The following SCAF11 variants were observed in gnomAD, a reference collection of about 807,000 sequenced individuals.
The protein encoded by SCAF11 is protein SCAF11.
In SCAF11, 47 loss-of-function variants were observed where a neutral mutation model predicts 140.5. That is an observed-to-expected ratio of 0.33 (90% CI 0.26 to 0.43). The LOEUF (loss-of-function observed/expected upper bound fraction) is 0.43, where lower values mean the gene tolerates loss of function less well. Among genes scored for constraint, SCAF11 ranks in the 20% least tolerant of loss-of-function variants. The pLI is 1.00. For synonymous variants in SCAF11, 557 were observed against 579.4 expected (o/e 0.96, Z 0.55); for missense variants, 1,645 against 1,705.1 (o/e 0.96, Z 0.62).
chr12:45,947,375 T>C (rs546765028), intron 5 of SCAF11, among the ~76,000 whole-genome samples: 2 of 152,232 alleles, frequency 1.3e-5, no homozygotes, highest in East Asian at 3.9e-4. Context: ...AAATAGGCAA[T>C]GGTTTTAACA....
At chr12:45,930,448 T>C (rs901030597) in intron 10 of SCAF11, among the ~76,000 whole-genome samples, 15 of 148,628 alleles carry the variant, frequency 1.0e-4, no homozygotes, top group African/African-American at 3.3e-4. Flanking sequence ...GTGTTTTGTT[T>C]TTTTTTTGTT....
intron 1 of SCAF11, among the ~76,000 whole-genome samples, chr12:45,986,739 C>G (rs1946468170): frequency 6.6e-6 from 1 of 152,086 alleles, no homozygotes; most frequent in African/African-American, 2.4e-5. Context: ...GGCAGTTTCC[C>G]CCATACTGTT....
At position 45,927,876 on chromosome 12, in the gene SCAF11, G is replaced by T. The variant is rs1944927561; in HGVS notation, c.1825C>A (p.Pro609Thr). ...TCACCCTCAGAAGATTCTAACTTGG[G>T]GCTCTCTATAAGCTCCTCTGTTTTT... ...TLKTEELIES[P>T]KLESSEGEII... The change falls in exon 11 of 15, where the codon CCC becomes ACC. Residue 609 changes from proline (P) to threonine (T), a missense_variant. Pro to Thr is a conservative substitution (Grantham distance 38). Coordinates refer to ENST00000369367, the MANE Select transcript of SCAF11 (RefSeq NM_004719.3). 1 of 1,613,350 alleles carries T rather than the reference G, an allele frequency of 6.2e-7. No individual in the cohort carries two copies. Among genetic ancestry groups the T allele is most frequent in the Admixed American group, 1.7e-5 (1 of 59,870 alleles).
At chr12:45,962,530 T>C (rs1945854315) in intron 2 of SCAF11, among the ~76,000 whole-genome samples, 1 of 152,176 alleles carries the variant, frequency 6.6e-6, no homozygotes, top group African/African-American at 2.4e-5. Context: ...CCACCAGTAA[T>C]GTAACCAACT....
chr12:45,934,097 A>G (rs1456934842), intron 8 of SCAF11, 79 bp downstream of exon 8: 1 of 814,808 alleles, frequency 1.2e-6, no homozygotes, highest in Non-Finnish European at 1.8e-6. Flanking sequence ...TTGGGCCCAG[A>G]GTTTAAATTT....
At chr12:45,953,881 T>C (rs1186589593) in intron 3 of SCAF11, 2 of 1,036,816 alleles carry the variant, frequency 1.9e-6, no homozygotes, top group Admixed American at 2.9e-5. Flanking sequence ...TGGCATATAC[T>C]AAATATTATG....
At chr12:45,981,307 C>T (rs1244587601) in intron 1 of SCAF11, among the ~76,000 whole-genome samples, 1 of 152,072 alleles carries the variant, frequency 6.6e-6, no homozygotes, top group Non-Finnish European at 1.5e-5. Context: ...GAGTCAAAAA[C>T]GATGAATGAA....
At chr12:45,965,404 A>C (rs1945922076) in intron 1 of SCAF11, among the ~76,000 whole-genome samples, 1 of 152,244 alleles carries the variant, frequency 6.6e-6, no homozygotes, top group Non-Finnish European at 1.5e-5. Context: ...GCTTATAAAA[A>C]GGTAAAAATG....
At chr12:45,964,691 G>C (rs898552323) in intron 1 of SCAF11, among the ~76,000 whole-genome samples, 8 of 151,616 alleles carry the variant, frequency 5.3e-5, no homozygotes, top group African/African-American at 1.9e-4. Context: ...GAAAGGAAAA[G>C]CCTTTTATAA....
chr12:45,968,284 G>A (rs990196666), intron 1 of SCAF11, among the ~76,000 whole-genome samples: 1 of 152,066 alleles, frequency 6.6e-6, no homozygotes, highest in Non-Finnish European at 1.5e-5. Context: ...ATTTACAAAT[G>A]TCAATCTTTA....
rs192802284 is a variant in SCAF11, at chr12:45,937,342, C to T, written c.464-2837G>A. On this transcript the variant is annotated intron_variant, in intron 6 of 14. Transcript: ENST00000369367. Reference sequence around the variant, plus strand: ...TTCTTAAATATTATTTTTCTTGTATCATTGATAAAATATCCCTTCTTTCAG... The same window carrying T: ...TTCTTAAATATTATTTTTCTTGTATTATTGATAAAATATCCCTTCTTTCAG... 5.9e-5 allele frequency among the ~76,000 whole-genome samples: 9 copies of T among 152,128 alleles called. No individual in the cohort carries two copies. The East Asian group carries it at 1.5e-3, about 26-fold the overall frequency.
chr12:45,931,346 T>C (rs1331874798), intron 10 of SCAF11, 160 bp downstream of exon 10: 2 of 420,710 alleles, frequency 4.8e-6, no homozygotes, highest in Non-Finnish European at 8.5e-6. Flanking sequence ...GTTGAAGCAA[T>C]TCTAAAGTTA....
rs1034867130 is a variant in SCAF11, at chr12:45,920,576, T to C, written c.*1472A>G. On this transcript the variant is annotated 3_prime_UTR_variant, in exon 15 of 15. Transcript: ENST00000369367. Reference sequence around the variant, plus strand: ...ATAAACATTTTAAACTTACCTTTTATAAAAACTGAGATATTCTAGTATTAA... The same window carrying C: ...ATAAACATTTTAAACTTACCTTTTACAAAAACTGAGATATTCTAGTATTAA... 6.6e-6 allele frequency: 1 copy of C among 150,716 alleles called. No individual in the cohort carries two copies. Among genetic ancestry groups the C allele is most frequent in the African/African-American group, 2.5e-5 (1 of 40,738 alleles). 9.3% of individuals were successfully genotyped at this position (150,716 alleles called of 1,614,324 possible). A position where few individuals can be genotyped will look rare whatever the true frequency, so the allele number is the denominator to read the frequency against.
At chr12:45,966,070 G>C (rs1945939515) in intron 1 of SCAF11, among the ~76,000 whole-genome samples, 1 of 152,148 alleles carries the variant, frequency 6.6e-6, no homozygotes, top group Non-Finnish European at 1.5e-5. Context: ...ATTAGTTTTA[G>C]TTCTGGTGCA....
At chr12:45,931,695 G>A in intron 9 of SCAF11, 83 bp from the exon 10 acceptor site, 2 of 670,518 alleles carry the variant, frequency 3.0e-6, no homozygotes, top group Non-Finnish European at 4.7e-6. Flanking sequence ...CTCTAAATCA[G>A]GTTAGCAATA....
At chr12:45,974,049 G>A (rs1041211013) in intron 1 of SCAF11, 30 of 381,454 alleles carry the variant, frequency 7.9e-5, no homozygotes, top group East Asian at 6.6e-4. Flanking sequence ...GGTCCAGACC[G>A]GAGTAATAAA....
At chr12:45,962,045 T>C (rs1423293931) in intron 2 of SCAF11, among the ~76,000 whole-genome samples, 188 bp from the exon 3 acceptor site, 2 of 152,170 alleles carry the variant, frequency 1.3e-5, no homozygotes, top group African/African-American at 4.8e-5. Flanking sequence ...TAAATTTTTT[T>C]AACGGGGGAC....
rs779578727 is a variant in SCAF11 at position 45,951,721 on chromosome 12, C to G, written c.226G>C (p.Ala76Pro). The change falls in exon 4 of 15, where the codon GCT becomes CCT. Residue 76 changes from alanine (A) to proline (P), a missense_variant. By Grantham distance (27) the Ala-to-Pro change is conservative. Transcript: ENST00000369367. ...GGTTTACGGTCAATAGGACATGAAGCCAGTGTCTGAAAAGTGATTAACAAA... is the reference window on the plus strand; with the variant it reads ...GGTTTACGGTCAATAGGACATGAAGGCAGTGTCTGAAAAGTGATTAACAAA... The part of the protein sequence containing the change: ...TCILKWAETL[A>P]SCPIDRKPFQ... The G allele has an allele frequency of 6.3e-7, 1 of 1,579,580 alleles. No homozygotes were observed. Among genetic ancestry groups the G allele is most frequent in the Admixed American group, 1.7e-5 (1 of 59,358 alleles).
In SCAF11 at chr12:45,927,164, G is replaced by C. The variant is rs780674111; in HGVS notation, c.2537C>G (p.Ser846Cys). 1.2e-6 allele frequency: 2 copies of C among 1,614,012 alleles called. No homozygotes were observed. Among genetic ancestry groups the C allele is most frequent in the East Asian group, 4.5e-5 (2 of 44,874 alleles). Residue 846 changes from serine (S) to cysteine (C), a missense_variant, in exon 11 of 15, where the codon TCC becomes TGC. Coordinates refer to ENST00000369367, the MANE Select transcript of SCAF11 (RefSeq NM_004719.3). ...KNESARGRKK[S>C]RSQSPKKDIA... ...ATCCTTTTTTGGGGACTGAGAACGG[G>C]ATTTTTTCCGGCCTCTGGCTGACTC...
Sources: gnomAD v4.1 joint callset for allele counts (sites outside exome capture counted in the v4.1 genomes callset) on GRCh38, gnomAD v4.1.1 for gene constraint, MANE v1.5 for transcripts, NCBI Gene and HGNC (gene_info 2026-07-23, HGNC 2026-07-21) for gene names.